The following CYRIB variants were observed in gnomAD, a reference collection of about 807,000 sequenced individuals.
CYRIB encodes the protein CYFIP-related Rac1 interactor B.
CYRIB carries 8 observed loss-of-function variants against 44.2 expected under a neutral mutation model. The observed-to-expected ratio is 0.18, with a 90% confidence interval of 0.11 to 0.33. The LOEUF is 0.33. CYRIB is among the 10% of genes least tolerant of loss of function. The probability of loss-of-function intolerance (pLI) is 1.00; values close to 1 mark genes in which losing one functional copy is unlikely to be tolerated. For synonymous variants in CYRIB, 131 were observed against 127.2 expected (o/e 1.03, Z -0.20); for missense variants, 185 against 382.8 (o/e 0.48, Z 4.31).
At chr8:129,939,425 CCA>C (rs910517386) in intron 1 of CYRIB, among the ~76,000 whole-genome samples, 4 of 151,552 alleles carry the variant, frequency 2.6e-5, no homozygotes, top group African/African-American at 9.7e-5. Context: ...GGCCGCGGGG[CCA>C]CAGAGGAAGC....
chr8:129,885,042 C>A (rs1160082773), intron 2 of CYRIB, among the ~76,000 whole-genome samples: 2 of 152,220 alleles, frequency 1.3e-5, no homozygotes, highest in African/African-American at 4.8e-5. Context: ...AGAATAATAG[C>A]CAATAGAAAC....
upstream of CYRIB, chr8:130,016,956 A>T (rs1323851456): frequency 2.6e-5 from 4 of 152,194 alleles, no homozygotes; most frequent in East Asian, 7.7e-4. Context: ...CTTGGGCTCG[A>T]ACCCCGGTCT....
At chr8:129,856,468 CA>C (rs1183744391) in intron 5 of CYRIB, among the ~76,000 whole-genome samples, 3 of 151,906 alleles carry the variant, frequency 2.0e-5, no homozygotes, top group Non-Finnish European at 4.4e-5. Context: ...TTCAATATTT[CA>C]AAAAGCCATA....
chr8:129,889,496 A>G (rs2064179599), intron 2 of CYRIB, among the ~76,000 whole-genome samples: 1 of 152,190 alleles, frequency 6.6e-6, no homozygotes, highest in Non-Finnish European at 1.5e-5. Flanking sequence ...GTAAATTGAA[A>G]GCCTTCTGGA....
intron 4 of CYRIB, among the ~76,000 whole-genome samples, chr8:129,871,111 T>G (rs2056995841): frequency 6.6e-6 from 1 of 152,166 alleles, no homozygotes. Context: ...AAGCACCACA[T>G]AAATACTGCA....
upstream of CYRIB, among the ~76,000 whole-genome samples, chr8:129,942,439 C>T (rs1031522169): frequency 2.0e-5 from 3 of 152,188 alleles, no homozygotes; most frequent in Non-Finnish European, 2.9e-5. Context: ...CCATTCCTGC[C>T]ATGTACAAGA....
chr8:129,953,982 C>T (rs1160680256), intron 2 of CYRIB, among the ~76,000 whole-genome samples: 1 of 152,034 alleles, frequency 6.6e-6, no homozygotes, highest in East Asian at 1.9e-4. Flanking sequence ...ATTGCATAAA[C>T]CTTAAAAAAA....
chr8:129,848,173 A>G (rs545216817), intron 10 of CYRIB, among the ~76,000 whole-genome samples: 3 of 152,344 alleles, frequency 2.0e-5, no homozygotes, highest in Non-Finnish European at 2.9e-5. Context: ...GATGACACCT[A>G]AAAGAGTATT....
intron 5 of CYRIB, among the ~76,000 whole-genome samples, chr8:129,857,597 G>A (rs566461087): frequency 3.9e-5 from 6 of 152,308 alleles, no homozygotes; most frequent in South Asian, 4.1e-4. Flanking sequence ...GAGGAGTGGC[G>A]TCAGCAGATT....
chr8:129,887,245 C>G (rs1190879115), intron 2 of CYRIB, among the ~76,000 whole-genome samples: 1 of 152,146 alleles, frequency 6.6e-6, no homozygotes, highest in Non-Finnish European at 1.5e-5. Flanking sequence ...CTAAAACAGT[C>G]CTAGATTATG....
upstream of CYRIB, among the ~76,000 whole-genome samples, chr8:129,942,841 G>A (rs1228915556): frequency 1.3e-5 from 2 of 152,132 alleles, no homozygotes; most frequent in African/African-American, 4.8e-5. Flanking sequence ...TATAAATGAG[G>A]CAACCGAAAC....
chr8:129,883,581 C>CTA (rs2061600760), intron 2 of CYRIB, among the ~76,000 whole-genome samples: 1 of 152,096 alleles, frequency 6.6e-6, no homozygotes, highest in Non-Finnish European at 1.5e-5. Context: ...CCCTATCTTG[C>CTA]TATATTTTAA....
chr8:129,888,237 C>A (rs1363732106), intron 2 of CYRIB, among the ~76,000 whole-genome samples: 1 of 152,164 alleles, frequency 6.6e-6, no homozygotes, highest in Non-Finnish European at 1.5e-5. Context: ...TCTCTTCCTC[C>A]TGCTCTGGCC....
At chr8:129,992,193 T>G (rs1243450977) in intron 1 of CYRIB, among the ~76,000 whole-genome samples, 1 of 151,762 alleles carries the variant, frequency 6.6e-6, no homozygotes, top group African/African-American at 2.4e-5. Context: ...TGATGATGCA[T>G]GTCTATGGTC....
chr8:129,921,635 T>C (rs1323429959), intron 1 of CYRIB, among the ~76,000 whole-genome samples: 1 of 152,142 alleles, frequency 6.6e-6, no homozygotes, highest in Admixed American at 6.5e-5. Context: ...GTTGACACCA[T>C]CTTAATTGAA....
At chr8:129,940,111 G>A (rs1042498213), upstream of CYRIB, among the ~76,000 whole-genome samples, 3 of 152,156 alleles carry the variant, frequency 2.0e-5, no homozygotes, top group Admixed American at 2.0e-4. Context: ...AGTGGGTTGG[G>A]GTCTTCCAGC....
chr8:129,865,263 T>C (rs1300039349), intron 4 of CYRIB, among the ~76,000 whole-genome samples: 1 of 152,234 alleles, frequency 6.6e-6, no homozygotes, highest in Non-Finnish European at 1.5e-5. Flanking sequence ...TGCTGTGTGG[T>C]GCAGGAGGTT....
chr8:129,903,398 C>T (rs2073388977), intron 1 of CYRIB, 48 bp from the exon 4 acceptor site: 1 of 152,624 alleles, frequency 6.6e-6, no homozygotes, highest in Non-Finnish European at 1.5e-5. Context: ...CATTATTATA[C>T]TTTAAAACAA....
At chr8:129,900,277 C>A (rs1364081659) in intron 2 of CYRIB, among the ~76,000 whole-genome samples, 1 of 152,088 alleles carries the variant, frequency 6.6e-6, no homozygotes, top group Non-Finnish European at 1.5e-5. Flanking sequence ...GGCATCAGGG[C>A]CAGATGACAT....
Sources: allele counts gnomAD v4.1 joint callset (sites outside exome capture counted in the v4.1 genomes callset), GRCh38; gene constraint gnomAD v4.1.1; transcripts MANE v1.5; gene names NCBI Gene and HGNC (gene_info 2026-07-23, HGNC 2026-07-21).